Variants in MLLT3 observed in about 807,000 individuals in gnomAD.
The protein encoded by MLLT3 is protein AF-9.
MLLT3 carries 4 observed loss-of-function variants against 53.2 expected under a neutral mutation model. The ratio of observed to expected loss-of-function variants is 0.08; its 90% CI spans 0.04 to 0.17. The LOEUF is 0.17. MLLT3 is among the 10% of genes least tolerant of loss of function. MLLT3 has a pLI of 1.00. For synonymous variants in MLLT3, 283 were observed against 230.6 expected, an observed-to-expected ratio of 1.23 and a Z score of -2.06; for missense variants, 569 against 684.0, an observed-to-expected ratio of 0.83 and a Z score of 1.87.
rs758080976 is a variant in MLLT3 at position 20,620,937 on chromosome 9, T to G, written c.13-103A>C. The stretch of plus-strand genomic sequence containing the variant: ...TTTTTCCTCCTTCTTGAAACGCACA[T>G]AAAAGGAAACGGCGGTGCCCTCTGC... On this transcript the variant is annotated intron_variant, in intron 1 of 10. Coordinates refer to ENST00000380338, the MANE Select transcript of MLLT3 (RefSeq NM_004529.4). The surrounding 1 kb of genome is among the most constrained non-coding windows in gnomAD (Gnocchi z 6.1). 2 of 1,278,454 alleles carry G rather than the reference T, an allele frequency of 1.6e-6. No homozygotes were observed. Among genetic ancestry groups the G allele is most frequent in the Non-Finnish European group, 2.2e-6 (2 of 898,572 alleles). 79.2% of individuals were successfully genotyped at this position (1,278,454 alleles called of 1,614,324 possible).
At chr9:20,363,435 G>T in intron 7 of MLLT3, 41 bp downstream of exon 7, 2 of 1,609,466 alleles carry the variant, frequency 1.2e-6, no homozygotes, top group South Asian at 2.2e-5. Context: ...GAAAGAGTCT[G>T]ACTTCATCAC....
intron 2 of MLLT3, among the ~76,000 whole-genome samples, chr9:20,480,917 G>T (rs181104522): frequency 1.9e-4 from 29 of 152,192 alleles, no homozygotes; most frequent in Middle Eastern, 3.4e-3. Flanking sequence ...TTATTCAAAG[G>T]AGAATAAAAG....
At chr9:20,460,347 G>C (rs1282740212) in intron 2 of MLLT3, among the ~76,000 whole-genome samples, 1 of 152,124 alleles carries the variant, frequency 6.6e-6, no homozygotes, top group Admixed American at 6.5e-5. Flanking sequence ...CCTTTAGAAA[G>C]CCATTAAAAT....
At chr9:20,464,416 C>T (rs916894672) in intron 2 of MLLT3, among the ~76,000 whole-genome samples, 1 of 151,886 alleles carries the variant, frequency 6.6e-6, no homozygotes, top group Admixed American at 6.6e-5. Flanking sequence ...TTGACAGGTC[C>T]CCTGCACTTA....
intron 2 of MLLT3, among the ~76,000 whole-genome samples, chr9:20,478,968 T>C (rs1262988555): frequency 6.6e-6 from 1 of 152,112 alleles, no homozygotes; most frequent in Non-Finnish European, 1.5e-5. Flanking sequence ...TGAGAGACTT[T>C]ACAAAGAATG....
At position 20,525,177 on chromosome 9, in the gene MLLT3, A is replaced by C. The variant is rs181921194; in HGVS notation, c.194-68391T>G. Among the ~76,000 whole-genome samples, 22 of 151,616 alleles carry C rather than the reference A, an allele frequency of 1.5e-4. No homozygotes were observed. In the East Asian group the frequency reaches 4.3e-3, roughly 29 times the overall value. On this transcript the variant is annotated intron_variant, in intron 2 of 10. Transcript: ENST00000380338. ...GCGTGAAAAAAGTAGCTAGCTCCTC[A>C]ACATTTATAAGTTCTACAAACAGAA...
Position 20,389,237 on chromosome 9 carries a change from C to A in MLLT3, c.1126-23493G>T, listed in dbSNP as rs141913388. Among the ~76,000 whole-genome samples, 87 of 152,240 alleles carry A rather than the reference C, an allele frequency of 5.7e-4. 1 individual carries two copies. The East Asian group carries it at 0.015, about 27-fold the overall frequency. Reference sequence around the variant, plus strand: ...ACAACATAAGTAAGTCCTGGAAATACAATACTAAGTGAAAGATGCCAAGCA... The same window carrying A: ...ACAACATAAGTAAGTCCTGGAAATAAAATACTAAGTGAAAGATGCCAAGCA... On this transcript the variant is annotated intron_variant, in intron 5 of 10. Coordinates refer to ENST00000380338, the MANE Select transcript of MLLT3 (RefSeq NM_004529.4).
In MLLT3 at chr9:20,448,031, T is replaced by A; in HGVS notation, c.420+92A>T. ...TTTTACCTCTCCCAAAACCTTATAC[T>A]TTTTAACACATGAGGAACTAGTTTG... On this transcript the variant is annotated intron_variant, in intron 4 of 10. Transcript: ENST00000380338. The surrounding 1 kb of genome is among the most constrained non-coding windows in gnomAD (Gnocchi z 4.0). 1 of 1,419,892 alleles carries A rather than the reference T, an allele frequency of 7.0e-7. No individual in the cohort carries two copies. The highest frequency in any genetic ancestry group is 9.6e-7 in the Non-Finnish European group (1 of 1,046,298). The allele number at this position is 1,419,892 out of a possible 1,614,324, so 88.0% of individuals were successfully genotyped here. A position where few individuals can be genotyped will look rare whatever the true frequency, so the allele number is the denominator to read the frequency against.
chr9:20,605,070 T>C (rs1181843520), intron 2 of MLLT3, among the ~76,000 whole-genome samples: 1 of 152,112 alleles, frequency 6.6e-6, no homozygotes, highest in Admixed American at 6.6e-5. Flanking sequence ...TGGTTAGTCA[T>C]TGCTGTAAAC....
chr9:20,402,125 A>G (rs1372852300), intron 5 of MLLT3, among the ~76,000 whole-genome samples: 2 of 152,210 alleles, frequency 1.3e-5, no homozygotes, highest in Admixed American at 6.5e-5. Flanking sequence ...AGATCAAGGT[A>G]GGTATAACAG....
chr9:20,616,890 A>C (rs948610141), intron 2 of MLLT3, among the ~76,000 whole-genome samples: 8 of 152,180 alleles, frequency 5.3e-5, no homozygotes, highest in Non-Finnish European at 1.0e-4. Flanking sequence ...CCTAGAAGTA[A>C]ATTTGCTAGG....
In MLLT3 at chr9:20,603,674, T is replaced by C. The variant is rs547738863; in HGVS notation, c.193+16980A>G. ...AAAGGGTTTGCAAAAACTATAATAA[T>C]CTCACAGCTGGAGATGGCTGGAAAG... On this transcript the variant is annotated intron_variant, in intron 2 of 10. Transcript: ENST00000380338. 2.0e-5 allele frequency among the ~76,000 whole-genome samples: 3 copies of C among 152,186 alleles called. No homozygotes were observed. In the East Asian group the frequency reaches 5.8e-4, roughly 29 times the overall value.
At chr9:20,384,138 C>T (rs1821971881) in intron 5 of MLLT3, among the ~76,000 whole-genome samples, 3 of 151,958 alleles carry the variant, frequency 2.0e-5, no homozygotes. Flanking sequence ...ATTTTGTAGA[C>T]TTATATGCTT....
At chr9:20,614,595 C>T (rs1432432095) in intron 2 of MLLT3, among the ~76,000 whole-genome samples, 2 of 151,832 alleles carry the variant, frequency 1.3e-5, no homozygotes, top group Non-Finnish European at 2.9e-5. Context: ...TCAGATAACT[C>T]GTCCATGGTT....
chr9:20,573,499 C>A (rs1166292859), intron 2 of MLLT3, among the ~76,000 whole-genome samples: 1 of 151,966 alleles, frequency 6.6e-6, no homozygotes, highest in Non-Finnish European at 1.5e-5. Flanking sequence ...ATTTTAAAAA[C>A]CACTAAGACA....
At chr9:20,587,137 T>G (rs1472697807) in intron 2 of MLLT3, among the ~76,000 whole-genome samples, 1 of 151,534 alleles carries the variant, frequency 6.6e-6, no homozygotes, top group Non-Finnish European at 1.5e-5. Flanking sequence ...AAACAAAAGT[T>G]TGATATTTTA....
intron 2 of MLLT3, among the ~76,000 whole-genome samples, chr9:20,505,874 C>T (rs377136321): frequency 6.6e-6 from 1 of 152,160 alleles, no homozygotes. Flanking sequence ...AGTTTAGATA[C>T]CCCCTCAGTG....
At chr9:20,353,018 T>C (rs2118605542) in intron 10 of MLLT3, among the ~76,000 whole-genome samples, 1 of 152,254 alleles carries the variant, frequency 6.6e-6, no homozygotes, top group East Asian at 1.9e-4. Flanking sequence ...CCACTACAAG[T>C]ATTCCACAGT....
At chr9:20,434,891 G>A (rs1292809355) in intron 4 of MLLT3, among the ~76,000 whole-genome samples, 1 of 152,064 alleles carries the variant, frequency 6.6e-6, no homozygotes, top group African/African-American at 2.4e-5. Context: ...GTGTATTTGG[G>A]AAAAACATTT....
Sources: allele counts gnomAD v4.1 joint callset (sites outside exome capture counted in the v4.1 genomes callset), GRCh38; gene constraint gnomAD v4.1.1; non-coding constraint Gnocchi (gnomAD v3.1); transcripts MANE v1.5; gene names NCBI Gene and HGNC (gene_info 2026-07-23, HGNC 2026-07-21).